The following ZNF69 variants were observed in gnomAD, a reference collection of about 807,000 sequenced individuals.
The protein encoded by ZNF69 is ZNF3.
In ZNF69, 47 loss-of-function variants were observed where a neutral mutation model predicts 50.9. That is an observed-to-expected ratio of 0.92 (90% confidence interval 0.73 to 1.18). The LOEUF is 1.18. Among genes scored for constraint, ZNF69 ranks in the 50% most tolerant of loss-of-function variants. The probability of loss-of-function intolerance (pLI) is 0.00; values close to 1 mark genes in which losing one functional copy is unlikely to be tolerated. For synonymous variants in ZNF69, 216 were observed against 223.1 expected (o/e 0.97, Z 0.29); for missense variants, 717 against 675.1 (o/e 1.06, Z -0.69).
downstream of ZNF69, among the ~76,000 whole-genome samples, chr19:11,916,897 AC>A (rs979165423): frequency 1.3e-5 from 2 of 151,964 alleles, no homozygotes; most frequent in African/African-American, 4.8e-5. Context: ...AGGATTGCCC[AC>A]CCACCCCCAT....
intron 4 of ZNF69, among the ~76,000 whole-genome samples, chr19:11,912,233 CTCT>C (rs1214485567): frequency 6.6e-6 from 1 of 152,012 alleles, no homozygotes. Context: ...TCCATAATTT[CTCT>C]TCTTTGCAAA....
chr19:11,948,042 G>T, the ZNF69 span, among the ~76,000 whole-genome samples: 1 of 152,150 alleles, frequency 6.6e-6, no homozygotes, highest in African/African-American at 2.4e-5. Flanking sequence ...TTTAGTAATT[G>T]TAAAATAGTT....
At chr19:11,974,126 TTTTCTTTCTTTCTTTC>T in the ZNF69 span, among the ~76,000 whole-genome samples, 1 of 55,028 alleles carries the variant, frequency 1.8e-5, no homozygotes, top group African/African-American at 5.7e-5. Context: ...TCTTTCTTTC[TTTTCTTTCTTTCTTTC>T]TTTCTTTCTT....
chr19:11,934,973 C>A, the ZNF69 span, among the ~76,000 whole-genome samples: 4 of 146,718 alleles, frequency 2.7e-5, no homozygotes, highest in Admixed American at 2.0e-4. Context: ...GAGGTCAGAT[C>A]AAGACCATCC....
chr19:11,908,925 C>G (rs1972417966), downstream of ZNF69, among the ~76,000 whole-genome samples: 1 of 151,714 alleles, frequency 6.6e-6, no homozygotes, highest in Admixed American at 6.6e-5. Context: ...AGACCGCCAG[C>G]AAGACTAATA....
chr19:11,948,065 C>A, the ZNF69 span, among the ~76,000 whole-genome samples: 2 of 152,142 alleles, frequency 1.3e-5, no homozygotes, highest in Non-Finnish European at 2.9e-5. Context: ...CATGGGAATA[C>A]TATTAAGAAG....
chr19:11,948,358 C>A, the ZNF69 span: 11 of 1,613,832 alleles, frequency 6.8e-6, no homozygotes, highest in African/African-American at 4.0e-5. Context: ...AGATGACAGA[C>A]TGAACTTCCA....
At chr19:11,925,236 G>A in the ZNF69 span, 1 of 1,613,162 alleles carries the variant, frequency 6.2e-7, no homozygotes, top group South Asian at 1.1e-5. Flanking sequence ...CACAGGAGCT[G>A]TAGAGAGGAC....
the ZNF69 span, among the ~76,000 whole-genome samples, chr19:11,940,766 T>C: frequency 6.6e-6 from 1 of 152,210 alleles, no homozygotes; most frequent in Non-Finnish European, 1.5e-5. Flanking sequence ...CCGAGTGGTC[T>C]GTTTTGACAG....
exon 5 of ZNF69, chr19:11,914,102 G>C (rs1972497964): frequency 6.6e-6 from 1 of 152,104 alleles, no homozygotes. Context: ...GGGAGGCCGA[G>C]GTCAGGAGTT....
At chr19:11,978,939 C>A in the ZNF69 span, 2 of 1,614,158 alleles carry the variant, frequency 1.2e-6, no homozygotes, top group Non-Finnish European at 1.7e-6. Context: ...GGGAGAGAAG[C>A]CTTATCAATG....
chr19:11,958,681 G>A, the ZNF69 span, among the ~76,000 whole-genome samples: 3 of 152,164 alleles, frequency 2.0e-5, no homozygotes, highest in African/African-American at 7.2e-5. Flanking sequence ...GAGTGGGCCA[G>A]CCTGGCCTGT....
intron 1 of ZNF69, among the ~76,000 whole-genome samples, chr19:11,889,821 C>T (rs948237987): frequency 2.6e-5 from 4 of 151,998 alleles, no homozygotes; most frequent in African/African-American, 7.2e-5. Context: ...ACTATCTTGG[C>T]GAGGGGAGTG....
chr19:11,949,001 G>A, the ZNF69 span: 1 of 1,606,962 alleles, frequency 6.2e-7, no homozygotes, highest in Non-Finnish European at 8.5e-7. Context: ...AGACATGAAA[G>A]GACCCACTCT....
At chr19:11,970,680 C>G in the ZNF69 span, among the ~76,000 whole-genome samples, 1 of 152,160 alleles carries the variant, frequency 6.6e-6, no homozygotes, top group Admixed American at 6.5e-5. Context: ...TGCAGTGGCT[C>G]ACACACTTTG....
chr19:11,925,374 G>A, the ZNF69 span: 4 of 1,549,494 alleles, frequency 2.6e-6, no homozygotes, highest in Non-Finnish European at 3.5e-6. Context: ...GGGCGACTCC[G>A]GGGTCTGGGA....
At chr19:11,973,372 G>A in the ZNF69 span, among the ~76,000 whole-genome samples, 7 of 152,052 alleles carry the variant, frequency 4.6e-5, no homozygotes, top group Non-Finnish European at 1.0e-4. Context: ...GTTGCTTGAC[G>A]ACTCATTTAT....
chr19:11,976,999 C>G, the ZNF69 span: 5 of 1,612,288 alleles, frequency 3.1e-6, no homozygotes, highest in South Asian at 1.1e-5. Flanking sequence ...ACTGCTGTCA[C>G]TCTCACCCAG....
At chr19:11,960,910 T>C in the ZNF69 span, among the ~76,000 whole-genome samples, 1 of 152,210 alleles carries the variant, frequency 6.6e-6, no homozygotes, top group Non-Finnish European at 1.5e-5. Flanking sequence ...TCCTGTCTGA[T>C]TACATTGTCT....
Sources: allele counts gnomAD v4.1 joint callset (sites outside exome capture counted in the v4.1 genomes callset), GRCh38; gene constraint gnomAD v4.1.1; transcripts MANE v1.5; gene names NCBI Gene and HGNC (gene_info 2026-07-23, HGNC 2026-07-21).